The following MYLK4 variants were observed in gnomAD, a reference collection of about 807,000 sequenced individuals.
MYLK4 encodes caMLCK like.
Under a neutral mutation model 48.1 loss-of-function variants are expected in MYLK4, and 46 were observed. The ratio of observed to expected loss-of-function variants is 0.96; its 90% CI spans 0.75 to 1.22. The LOEUF (loss-of-function observed/expected upper bound fraction) is 1.22. Among genes scored for constraint, MYLK4 ranks in the 50% most tolerant of loss-of-function variants. The pLI, the probability that MYLK4 is intolerant of heterozygous loss-of-function variation, is 0.00. For missense variants in MYLK4, 451 were observed against 486.1 expected (o/e 0.93, Z 0.68); for synonymous variants, 170 against 180.8 (o/e 0.94, Z 0.48).
intron 2 of MYLK4, among the ~76,000 whole-genome samples, chr6:2,743,061 A>G (rs773371891): frequency 2.0e-5 from 3 of 152,088 alleles, no homozygotes; most frequent in Non-Finnish European, 4.4e-5. Context: ...GGTACAAACA[A>G]TGCATCAACA....
chr6:2,769,877 A>G, the MYLK4 span, among the ~76,000 whole-genome samples: 7 of 152,228 alleles, frequency 4.6e-5, no homozygotes, highest in African/African-American at 1.4e-4. Flanking sequence ...ACTTAAAGCT[A>G]TTAGTCTACC....
In MYLK4 at chr6:2,685,680, G is replaced by A. The variant is rs1761512523; in HGVS notation, c.342-104C>T. 2.2e-6 allele frequency: 2 copies of A among 928,718 alleles called. 1 individual carries two copies. The highest frequency in any genetic ancestry group is 3.0e-5 in the South Asian group (2 of 66,916). 57.5% of individuals were successfully genotyped at this position (928,718 alleles called of 1,614,324 possible). On this transcript the variant is annotated intron_variant, in intron 4 of 12. Coordinates refer to ENST00000274643, the MANE Select transcript of MYLK4 (RefSeq NM_001012418.5). This position sits in a 1 kb window ranked among gnomAD's most constrained non-coding sequence, Gnocchi z 4.5. ...TTCTCCTGCTGAGTCTGGATGAGCAGCCCTCTGAGGAGTTCTTTCAGTAAA... is the reference window on the plus strand; with the variant it reads ...TTCTCCTGCTGAGTCTGGATGAGCAACCCTCTGAGGAGTTCTTTCAGTAAA...
chr6:2,683,391 TTGTGTG>T (rs67359849), intron 6 of MYLK4, among the ~76,000 whole-genome samples: 1,379 of 126,656 alleles, frequency 0.011, 46 homozygotes, highest in Middle Eastern at 0.021. Context: ...CCCCACCTTT[TTGTGTG>T]TGTGTGTGTG....
At chr6:2,679,444 G>A (rs779295995) in intron 8 of MYLK4, 36 bp from the exon 9 acceptor site, 3 of 1,613,656 alleles carry the variant, frequency 1.9e-6, no homozygotes, top group Non-Finnish European at 2.5e-6. Context: ...GGATGGACGT[G>A]TCGATCAAAA....
chr6:2,764,750 A>T, the MYLK4 span, among the ~76,000 whole-genome samples: 1 of 152,134 alleles, frequency 6.6e-6, no homozygotes, highest in Admixed American at 6.5e-5. Context: ...CGCGAGAAGC[A>T]TCTCTTGGCT....
At chr6:2,765,514 C>A in the MYLK4 span, 3 of 1,271,642 alleles carry the variant, frequency 2.4e-6, no homozygotes, top group East Asian at 3.4e-5. Context: ...CCTGCTGGTT[C>A]CCCGAGCGAG....
intron 2 of MYLK4, among the ~76,000 whole-genome samples, chr6:2,697,497 C>A (rs565097542): frequency 6.6e-6 from 1 of 152,228 alleles, no homozygotes; most frequent in Admixed American, 6.5e-5. Context: ...GGTCCACAGG[C>A]GTGTGCCGGC....
At chr6:2,669,763 T>C (rs1250465264) in intron 12 of MYLK4, among the ~76,000 whole-genome samples, 1 of 152,178 alleles carries the variant, frequency 6.6e-6, no homozygotes, top group Non-Finnish European at 1.5e-5. Flanking sequence ...AACAACTCTC[T>C]CCTACCTTAT....
At chr6:2,708,029 A>G (rs1762553663) in intron 2 of MYLK4, among the ~76,000 whole-genome samples, 1 of 152,228 alleles carries the variant, frequency 6.6e-6, no homozygotes, top group African/African-American at 2.4e-5. Context: ...ATGATTTAAT[A>G]TCTTTATTAA....
chr6:2,683,573 C>T (rs764604201), intron 6 of MYLK4, among the ~76,000 whole-genome samples: 23 of 152,220 alleles, frequency 1.5e-4, no homozygotes, highest in Non-Finnish European at 3.1e-4. Flanking sequence ...GCATGCGCCA[C>T]CATGCCCGGC....
Position 2,694,519 on chromosome 6 carries a change from T to C in MYLK4, c.160-1660A>G, listed in dbSNP as rs1364915248. Among the ~76,000 whole-genome samples the C allele has an allele frequency of 6.1e-4, 4 of 6,510 alleles. 1 individual carries two copies. Among genetic ancestry groups the C allele is most frequent in the Admixed American group, 2.0e-3 (1 of 510 alleles). The allele number at this position is 6,510 out of a possible 152,430, so 4.3% of individuals were successfully genotyped here. Reference sequence around the variant, plus strand: ...GTGGTGGTGGTGGTGGTGGCGGTGGTGGTGGTGGTGGTAGTAGTGTTGGTT... The same window carrying C: ...GTGGTGGTGGTGGTGGTGGCGGTGGCGGTGGTGGTGGTAGTAGTGTTGGTT... On this transcript the variant is annotated intron_variant, in intron 2 of 12. Coordinates refer to ENST00000274643, the MANE Select transcript of MYLK4 (RefSeq NM_001012418.5).
the MYLK4 span, chr6:2,765,426 G>A: frequency 1.8e-6 from 1 of 544,752 alleles, no homozygotes; most frequent in Non-Finnish European, 2.7e-6. Flanking sequence ...GGCGCTGCCA[G>A]CGGCCGGCCG....
chr6:2,671,677 C>T (rs541409284), intron 11 of MYLK4, among the ~76,000 whole-genome samples: 12 of 152,270 alleles, frequency 7.9e-5, no homozygotes, highest in Non-Finnish European at 1.5e-4. Context: ...CTATCACTTG[C>T]GATACTGGGG....
chr6:2,712,010 T>G lies in MYLK4; in HGVS notation c.160-19151A>C, dbSNP rs531551504. Among the ~76,000 whole-genome samples the G allele has an allele frequency of 3.3e-5, 5 of 152,290 alleles. No individual in the cohort carries two copies. In the East Asian group the frequency reaches 9.6e-4, roughly 29 times the overall value. On this transcript the variant is annotated intron_variant, in intron 2 of 12. Coordinates refer to ENST00000274643, the MANE Select transcript of MYLK4 (RefSeq NM_001012418.5). ...CAGGTAAATATGTATCAGGATATAT[T>G]CAGAGCTGGCCATTTGAAGTAGATT... is the stretch of plus-strand genomic sequence containing the variant.
At chr6:2,729,648 G>A (rs1441663179) in intron 2 of MYLK4, among the ~76,000 whole-genome samples, 1 of 152,158 alleles carries the variant, frequency 6.6e-6, no homozygotes, top group African/African-American at 2.4e-5. Context: ...CTGGACTTTA[G>A]TGGATCAGAT....
the MYLK4 span, among the ~76,000 whole-genome samples, chr6:2,759,129 T>C: frequency 6.6e-6 from 1 of 152,236 alleles, no homozygotes; most frequent in Non-Finnish European, 1.5e-5. Flanking sequence ...TTTGTTGTTA[T>C]TTTTAGAGAC....
chr6:2,745,363 C>T (rs1417530550), intron 2 of MYLK4, among the ~76,000 whole-genome samples: 2 of 152,144 alleles, frequency 1.3e-5, no homozygotes, highest in Admixed American at 1.3e-4. Context: ...AGTTATGAAA[C>T]CTGTTCATCA....
chr6:2,767,299 T>TA, the MYLK4 span, among the ~76,000 whole-genome samples: 1 of 152,202 alleles, frequency 6.6e-6, no homozygotes, highest in African/African-American at 2.4e-5. Flanking sequence ...CTTTTATCCA[T>TA]AATAAGGGAG....
At chr6:2,760,047 C>T in the MYLK4 span, among the ~76,000 whole-genome samples, 5 of 152,130 alleles carry the variant, frequency 3.3e-5, no homozygotes, top group Admixed American at 6.5e-5. Flanking sequence ...AAAACCAATA[C>T]AGTATAATAG....
Sources: allele counts gnomAD v4.1 joint callset (sites outside exome capture counted in the v4.1 genomes callset), GRCh38; gene constraint gnomAD v4.1.1; non-coding constraint Gnocchi (gnomAD v3.1); transcripts MANE v1.5; gene names NCBI Gene and HGNC (gene_info 2026-07-23, HGNC 2026-07-21).